UBE2QL1: variants seen among roughly 807,000 people sequenced by gnomAD.
UBE2QL1 encodes the protein ubiquitin conjugating enzyme E2 QL1, also known as ubiquitin-conjugating enzyme E2Q-like protein 1.
Under a neutral mutation model 12.6 loss-of-function variants are expected in UBE2QL1, and 5 were observed. The ratio of observed to expected loss-of-function variants is 0.40; its 90% CI spans 0.21 to 0.83. The LOEUF (loss-of-function observed/expected upper bound fraction) is 0.83, where lower values mean the gene tolerates loss of function less well. UBE2QL1 is among the 40% of genes least tolerant of loss of function. The pLI is 0.37. For synonymous variants in UBE2QL1, 96 were observed against 94.5 expected (o/e 1.02, Z -0.10); for missense variants, 99 against 222.6 (o/e 0.44, Z 3.53).
chr5:6,455,263 T>G (rs1218861195), intron 1 of UBE2QL1, among the ~76,000 whole-genome samples: 1 of 152,168 alleles, frequency 6.6e-6, no homozygotes, highest in East Asian at 1.9e-4. Context: ...ACCTGGTCAG[T>G]GTCTCCCTTC....
intron 1 of UBE2QL1, among the ~76,000 whole-genome samples, chr5:6,471,569 A>G (rs1419068144): frequency 6.6e-6 from 1 of 152,186 alleles, no homozygotes; most frequent in Non-Finnish European, 1.5e-5. Context: ...AGGGAGAGAG[A>G]GAGAGGTTAC....
At chr5:6,470,437 G>A (rs978497720) in intron 1 of UBE2QL1, among the ~76,000 whole-genome samples, 4 of 152,156 alleles carry the variant, frequency 2.6e-5, no homozygotes, top group Non-Finnish European at 4.4e-5. Context: ...ACATGCTAAG[G>A]TAGAGAATGA....
intron 1 of UBE2QL1, among the ~76,000 whole-genome samples, chr5:6,462,119 C>T (rs1396152850): frequency 6.6e-6 from 1 of 152,164 alleles, no homozygotes; most frequent in African/African-American, 2.4e-5. Flanking sequence ...TCTCTGTGGC[C>T]AGAAGATGCT....
chr5:6,460,514 G>A (rs1229913223), intron 1 of UBE2QL1, among the ~76,000 whole-genome samples: 3 of 152,174 alleles, frequency 2.0e-5, no homozygotes, highest in Non-Finnish European at 4.4e-5. Flanking sequence ...AAACTCAGAA[G>A]AGCCTCCTTT....
intron 1 of UBE2QL1, among the ~76,000 whole-genome samples, chr5:6,477,743 TGTGGCAC>T (rs1734269714): frequency 6.6e-6 from 1 of 152,204 alleles, no homozygotes; most frequent in Non-Finnish European, 1.5e-5. Context: ...AGTTCCCCCA[TGTGGCAC>T]GTGTAAGCCA....
intron 1 of UBE2QL1, among the ~76,000 whole-genome samples, chr5:6,455,721 C>T (rs995767049): frequency 5.3e-5 from 8 of 152,078 alleles, no homozygotes; most frequent in Non-Finnish European, 1.2e-4. Flanking sequence ...TGGCCATGGT[C>T]CACCTCCTCC....
At chr5:6,477,150 C>A (rs4702355) in intron 1 of UBE2QL1, among the ~76,000 whole-genome samples, 15,543 of 152,266 alleles carry the variant, frequency 0.1, 1,022 homozygotes, top group Middle Eastern at 0.19. Flanking sequence ...CTCAAACAGC[C>A]CACCTTGTGT....
intron 1 of UBE2QL1, among the ~76,000 whole-genome samples, chr5:6,465,795 G>A (rs759172433): frequency 3.3e-5 from 5 of 152,216 alleles, no homozygotes; most frequent in African/African-American, 9.6e-5. Flanking sequence ...GCTCCAGGGC[G>A]CAGCAGAAGA....
At chr5:6,464,371 A>G (rs1387093356) in intron 1 of UBE2QL1, among the ~76,000 whole-genome samples, 1 of 152,224 alleles carries the variant, frequency 6.6e-6, no homozygotes, top group African/African-American at 2.4e-5. Context: ...AGATGACAAG[A>G]TGTCTCACAA....
rs749607093 is a variant in UBE2QL1 at position 6,496,285 on chromosome 5, G to A, written c.*4936G>A. Among the ~76,000 whole-genome samples, 5 of 152,166 alleles carry A rather than the reference G, an allele frequency of 3.3e-5. No individual in the cohort carries two copies. The highest frequency in any genetic ancestry group is 2.1e-4 in the South Asian group (1 of 4,832). ...TGTCCTACTTTGTAGACATGCAATCGTTTTGTACCTCTAGACCTTGGGCAG... is the reference window on the plus strand; with the variant it reads ...TGTCCTACTTTGTAGACATGCAATCATTTTGTACCTCTAGACCTTGGGCAG... On this transcript the variant is annotated 3_prime_UTR_variant, in exon 2 of 2. Transcript: ENST00000399816.
At chr5:6,467,713 C>T (rs1288836262) in intron 1 of UBE2QL1, among the ~76,000 whole-genome samples, 1 of 152,152 alleles carries the variant, frequency 6.6e-6, no homozygotes, top group Non-Finnish European at 1.5e-5. Context: ...CAGATGTCCT[C>T]CTGTTTGTCT....
In UBE2QL1 at chr5:6,495,376, G is replaced by A. The variant is rs1734648793; in HGVS notation, c.*4027G>A. On this transcript the variant is annotated 3_prime_UTR_variant, in exon 2 of 2. Coordinates refer to ENST00000399816, the MANE Select transcript of UBE2QL1 (RefSeq NM_001145161.3). ...GGGCAGAGCTTACTTCCTGACTGTA[G>A]TGAGGGTAGAGCCACTGAATCTGGA... Among the ~76,000 whole-genome samples, 1 of 152,176 alleles carries A rather than the reference G, an allele frequency of 6.6e-6. No individual in the cohort carries two copies. The highest frequency in any genetic ancestry group is 1.5e-5 in the Non-Finnish European group (1 of 68,044).
intron 1 of UBE2QL1, among the ~76,000 whole-genome samples, chr5:6,454,883 G>A (rs375127839): frequency 3.3e-5 from 5 of 152,102 alleles, no homozygotes; most frequent in East Asian, 1.9e-4. Flanking sequence ...TTGAGGTATC[G>A]ATACACTGGA....
chr5:6,459,560 G>T (rs376941011), intron 1 of UBE2QL1, among the ~76,000 whole-genome samples: 1 of 152,100 alleles, frequency 6.6e-6, no homozygotes, highest in Non-Finnish European at 1.5e-5. Context: ...GTCTTTCGTT[G>T]CACAAAACAA....
At chr5:6,489,325 G>A (rs1734521610) in intron 1 of UBE2QL1, among the ~76,000 whole-genome samples, 1 of 152,058 alleles carries the variant, frequency 6.6e-6, no homozygotes, top group Non-Finnish European at 1.5e-5. Context: ...TCAGAAGGCT[G>A]AGGCAGGAGG....
chr5:6,453,993 A>G (rs187143655), intron 1 of UBE2QL1, among the ~76,000 whole-genome samples: 89 of 152,180 alleles, frequency 5.8e-4, no homozygotes, highest in Non-Finnish European at 1.0e-3. Context: ...CAATCCTCCC[A>G]TCTCAGCCTC....
Position 6,495,185 on chromosome 5 carries a change from C to T in UBE2QL1, c.*3836C>T, listed in dbSNP as rs1230440532. ...GGGAGAACTGGAGTCCCCTTGCCAC[C>T]TCTCACCTGCAGAGTCCCTATTCAT... On this transcript the variant is annotated 3_prime_UTR_variant, in exon 2 of 2. Transcript: ENST00000399816. 2.0e-5 allele frequency among the ~76,000 whole-genome samples: 3 copies of T among 152,170 alleles called. No homozygotes were observed. The highest frequency in any genetic ancestry group is 2.0e-4 in the Admixed American group (3 of 15,272).
chr5:6,456,056 A>G (rs1739516086), intron 1 of UBE2QL1, among the ~76,000 whole-genome samples: 1 of 152,094 alleles, frequency 6.6e-6, no homozygotes, highest in Non-Finnish European at 1.5e-5. Flanking sequence ...GTGGCTGACA[A>G]ATTAATACAG....
chr5:6,461,085 T>C (rs1267977213), intron 1 of UBE2QL1, among the ~76,000 whole-genome samples: 1 of 152,240 alleles, frequency 6.6e-6, no homozygotes, highest in Non-Finnish European at 1.5e-5. Flanking sequence ...CGAAAGATCC[T>C]TTCTTTAGTA....
Sources: allele counts gnomAD v4.1 joint callset (sites outside exome capture counted in the v4.1 genomes callset), GRCh38; gene constraint gnomAD v4.1.1; transcripts MANE v1.5; gene names NCBI Gene and HGNC (gene_info 2026-07-23, HGNC 2026-07-21).